SLC4A7: variants seen among roughly 807,000 people sequenced by gnomAD.
SLC4A7 encodes the protein solute carrier family 4 member 7, also known as sodium bicarbonate cotransporter 3.
Under a neutral mutation model 137.6 loss-of-function variants are expected in SLC4A7, and 51 were observed. The ratio of observed to expected loss-of-function variants is 0.37; its 90% CI spans 0.30 to 0.47. The LOEUF is 0.47. Among genes scored for constraint, SLC4A7 ranks in the 20% least tolerant of loss-of-function variants. The pLI is 1.00. For synonymous variants in SLC4A7, 542 were observed against 518.6 expected, an observed-to-expected ratio of 1.05 and a Z score of -0.61; for missense variants, 1,247 against 1,525.4, an observed-to-expected ratio of 0.82 and a Z score of 3.04.
At chr3:27,388,246 A>G (rs1225042755) in intron 22 of SLC4A7, among the ~76,000 whole-genome samples, 2 of 152,178 alleles carry the variant, frequency 1.3e-5, no homozygotes, top group African/African-American at 4.8e-5. Context: ...AAATTCTGCT[A>G]AATTTGTTTA....
intron 7 of SLC4A7, among the ~76,000 whole-genome samples, chr3:27,425,737 A>C (rs891725436): frequency 5.9e-5 from 9 of 151,304 alleles, no homozygotes; most frequent in Non-Finnish European, 1.2e-4. Context: ...ACAGATTTCT[A>C]CTACTAGGTT....
intron 11 of SLC4A7, among the ~76,000 whole-genome samples, chr3:27,418,038 A>G (rs2054563546): frequency 6.6e-6 from 1 of 152,170 alleles, no homozygotes; most frequent in Admixed American, 6.5e-5. Flanking sequence ...ATGACATGTG[A>G]TATTGTCATG....
intron 11 of SLC4A7, among the ~76,000 whole-genome samples, chr3:27,417,405 A>T (rs1336189773): frequency 6.6e-6 from 1 of 152,216 alleles, no homozygotes; most frequent in Non-Finnish European, 1.5e-5. Flanking sequence ...TGGGGCAATG[A>T]ACAAAAGATA....
At chr3:27,397,943 A>G in intron 17 of SLC4A7, 146 bp from the exon 18 acceptor site, 1 of 622,308 alleles carries the variant, frequency 1.6e-6, no homozygotes, top group Non-Finnish European at 2.7e-6. Flanking sequence ...AAACACATTT[A>G]TATTTAATTC....
chr3:27,428,485 G>C (rs1471199429), intron 7 of SLC4A7, among the ~76,000 whole-genome samples: 2 of 152,118 alleles, frequency 1.3e-5, no homozygotes, highest in Admixed American at 6.5e-5. Context: ...GCTTCTATTT[G>C]TACTTCCAAA....
intron 2 of SLC4A7, among the ~76,000 whole-genome samples, chr3:27,449,133 C>T (rs1340148156): frequency 6.6e-6 from 1 of 151,650 alleles, no homozygotes; most frequent in Non-Finnish European, 1.5e-5. Flanking sequence ...AACTCCTGAC[C>T]TCCTGATCCG....
chr3:27,386,145 ACAT>A (rs929420963), intron 22 of SLC4A7, 122 bp from the exon 23 acceptor site: 4 of 649,238 alleles, frequency 6.2e-6, no homozygotes, highest in African/African-American at 1.9e-5. Context: ...AATTATTCAC[ACAT>A]CATTTTGTTT....
intron 1 of SLC4A7, among the ~76,000 whole-genome samples, chr3:27,477,908 C>T (rs184605575): frequency 3.9e-5 from 6 of 152,328 alleles, no homozygotes; most frequent in Non-Finnish European, 5.9e-5. Context: ...AGCCACCGCG[C>T]CCGGCTTTCA....
intron 1 of SLC4A7, among the ~76,000 whole-genome samples, chr3:27,457,997 T>C (rs2058500145): frequency 6.6e-6 from 1 of 152,180 alleles, no homozygotes; most frequent in Non-Finnish European, 1.5e-5. Flanking sequence ...TGTCATTTTT[T>C]CTTTCAGGTA....
At chr3:27,418,078 C>T (rs1324822405) in intron 11 of SLC4A7, among the ~76,000 whole-genome samples, 1 of 151,954 alleles carries the variant, frequency 6.6e-6, no homozygotes, top group East Asian at 1.9e-4. Flanking sequence ...AGACTGGTAA[C>T]ATCAGAACCC....
intron 8 of SLC4A7, 98 bp from the exon 9 acceptor site, chr3:27,421,877 C>T: frequency 1.3e-6 from 1 of 795,126 alleles, no homozygotes; most frequent in South Asian, 2.2e-5. Flanking sequence ...CTACTATTTG[C>T]TAATCAAAAC....
chr3:27,452,711 T>C (rs1281547715), intron 1 of SLC4A7, among the ~76,000 whole-genome samples: 1 of 152,156 alleles, frequency 6.6e-6, no homozygotes, highest in East Asian at 1.9e-4. Flanking sequence ...AGAAGTGAAA[T>C]GGCAAAGATT....
intron 3 of SLC4A7, among the ~76,000 whole-genome samples, chr3:27,440,319 T>C (rs2057087819): frequency 6.6e-6 from 1 of 152,164 alleles, no homozygotes; most frequent in Non-Finnish European, 1.5e-5. Context: ...CTGTAGCCAC[T>C]TGCTTCTTTT....
In SLC4A7 at chr3:27,400,788, A is replaced by T; in HGVS notation, c.2403T>A (p.Ile801=). 3 of 1,601,500 alleles carry T rather than the reference A, an allele frequency of 1.9e-6. No individual in the cohort carries two copies. The highest frequency in any genetic ancestry group is 2.6e-6 in the Non-Finnish European group (3 of 1,169,310). ...WKKDNITAHN[I]SWRNLTVSEC... ...CAGAAACAGTAAGATTTCTCCAGGA[A>T]ATATTGTGTGCTGTTATATTATCTT... The change falls in exon 16 of 26, where the codon ATT becomes ATA. Residue 801 remains isoleucine (I), a synonymous_variant. Transcript: ENST00000454389.
At chr3:27,456,709 G>A in intron 1 of SLC4A7, 1 of 1,610,026 alleles carries the variant, frequency 6.2e-7, no homozygotes, top group Admixed American at 1.7e-5. Context: ...CCTTGTTTCT[G>A]ATGATGTAAT....
chr3:27,441,843 G>A (rs912106907), intron 3 of SLC4A7, among the ~76,000 whole-genome samples: 4 of 151,238 alleles, frequency 2.6e-5, no homozygotes, highest in African/African-American at 9.7e-5. Context: ...TCCATTTCAT[G>A]TAAATTATCA....
chr3:27,407,654 T>G (rs2053518002), intron 13 of SLC4A7, among the ~76,000 whole-genome samples: 2 of 152,080 alleles, frequency 1.3e-5, no homozygotes, highest in Admixed American at 1.3e-4. Flanking sequence ...CCTGCTAATC[T>G]TCCCTCCTCA....
At position 27,484,241 on chromosome 3, in the gene SLC4A7, G is replaced by C; in HGVS notation, c.-115C>G. The C allele has an allele frequency of 3.6e-6, 3 of 838,396 alleles. No individual in the cohort carries two copies. Among genetic ancestry groups the C allele is most frequent in the Non-Finnish European group, 4.7e-6 (3 of 634,470 alleles). 51.9% of individuals were successfully genotyped at this position (838,396 alleles called of 1,614,324 possible). On this transcript the variant is annotated 5_prime_UTR_variant, in exon 1 of 26. Transcript: ENST00000454389. ...CCCCGGCGCGCGAGGACAAACGTGGGTGCGTCCGTGCGCGAGGTGTGCGCG... is the reference window on the plus strand; with the variant it reads ...CCCCGGCGCGCGAGGACAAACGTGGCTGCGTCCGTGCGCGAGGTGTGCGCG...
chr3:27,414,781 T>C (rs76531110), intron 11 of SLC4A7, among the ~76,000 whole-genome samples: 2,375 of 152,290 alleles, frequency 0.016, 67 homozygotes, highest in African/African-American at 0.054. Flanking sequence ...TCCTCTGATG[T>C]GGTGTTTACT....
Sources: allele counts gnomAD v4.1 joint callset (sites outside exome capture counted in the v4.1 genomes callset), GRCh38; gene constraint gnomAD v4.1.1; transcripts MANE v1.5; gene names NCBI Gene and HGNC (gene_info 2026-07-23, HGNC 2026-07-21).